Variants in CACNB4 observed in about 807,000 individuals in gnomAD.
The protein encoded by CACNB4 is voltage-dependent L-type calcium channel subunit beta-4.
In CACNB4, 32 loss-of-function variants were observed where a neutral mutation model predicts 71.2. The ratio of observed to expected loss-of-function variants is 0.45; its 90% CI spans 0.34 to 0.60. CACNB4 has a LOEUF of 0.60. Among genes scored for constraint, CACNB4 ranks in the 20% least tolerant of loss-of-function variants. The pLI is 0.01. For missense variants in CACNB4, 464 were observed against 647.9 expected (o/e 0.72, Z 3.08); for synonymous variants, 231 against 236.9 (o/e 0.97, Z 0.23).
At chr2:152,055,275 A>G (rs7604560) in intron 2 of CACNB4, among the ~76,000 whole-genome samples, 7,998 of 152,172 alleles carry the variant, frequency 0.053, 690 homozygotes, top group African/African-American at 0.18. Flanking sequence ...GCCTCCCAAA[A>G]TGCTGGGATT....
chr2:151,841,558 A>T (rs777647677), intron 13 of CACNB4: 12 of 245,746 alleles, frequency 4.9e-5, no homozygotes, highest in Non-Finnish European at 9.5e-5. Context: ...ACTGCATTCC[A>T]GCCTGAACAA....
intron 2 of CACNB4, among the ~76,000 whole-genome samples, chr2:151,987,805 C>G (rs901418221): frequency 6.6e-6 from 1 of 152,144 alleles, no homozygotes; most frequent in Non-Finnish European, 1.5e-5. Flanking sequence ...AGTTTCGATG[C>G]GACCCACCAA....
chr2:151,947,267 G>A (rs2099865823), intron 2 of CACNB4, among the ~76,000 whole-genome samples: 1 of 152,152 alleles, frequency 6.6e-6, no homozygotes, highest in African/African-American at 2.4e-5. Flanking sequence ...AGATGTCCAG[G>A]GCTTGCTTGC....
Position 152,098,141 on chromosome 2 carries a change from G to A in CACNB4, c.147+189C>T, listed in dbSNP as rs1157359477. Among the ~76,000 whole-genome samples the A allele has an allele frequency of 6.6e-6, 1 of 152,242 alleles. No individual in the cohort carries two copies. The highest frequency in any genetic ancestry group is 2.4e-5 in the African/African-American group (1 of 41,474). On this transcript the variant is annotated intron_variant, in intron 2 of 13. Coordinates refer to ENST00000539935, the MANE Select transcript of CACNB4 (RefSeq NM_000726.5). The surrounding 1 kb of genome is among the most constrained non-coding windows in gnomAD (Gnocchi z 5.3). ...TTCCCGGGGCGGTGCGGAGACGCCG[G>A]GACGCGAAGACGTCAAGAGCCCAGG... is the stretch of plus-strand genomic sequence containing the variant.
chr2:151,922,482 C>T (rs4524119), intron 2 of CACNB4, among the ~76,000 whole-genome samples: 2 of 152,068 alleles, frequency 1.3e-5, no homozygotes. Flanking sequence ...GGATTAAAAG[C>T]GTGAACTATG....
chr2:152,024,048 A>G (rs1431685434), intron 2 of CACNB4, among the ~76,000 whole-genome samples: 4 of 152,330 alleles, frequency 2.6e-5, no homozygotes, highest in African/African-American at 9.6e-5. Context: ...GGCTGGGCAC[A>G]GTGGCTCACG....
At chr2:152,011,995 T>G (rs1464454474) in intron 2 of CACNB4, among the ~76,000 whole-genome samples, 2 of 152,138 alleles carry the variant, frequency 1.3e-5, no homozygotes, top group Non-Finnish European at 2.9e-5. Context: ...CAGATAGTTA[T>G]GTACAGTACA....
intron 2 of CACNB4, among the ~76,000 whole-genome samples, chr2:151,932,524 T>A (rs1448227899): frequency 6.6e-6 from 1 of 152,182 alleles, no homozygotes; most frequent in Non-Finnish European, 1.5e-5. Context: ...ACCTCCAGTA[T>A]CTCAGATGTG....
At chr2:151,949,284 C>T (rs2099866318) in intron 2 of CACNB4, among the ~76,000 whole-genome samples, 1 of 151,738 alleles carries the variant, frequency 6.6e-6, no homozygotes, top group Non-Finnish European at 1.5e-5. Context: ...TTTTGCCAAG[C>T]AAGGCTGCAG....
At chr2:152,012,507 G>A (rs1443324341) in intron 2 of CACNB4, among the ~76,000 whole-genome samples, 2 of 151,884 alleles carry the variant, frequency 1.3e-5, no homozygotes, top group Admixed American at 1.3e-4. Flanking sequence ...AGGAGGCTGA[G>A]GCTGGAGAAT....
At chr2:151,898,286 C>T (rs1228244017) in intron 2 of CACNB4, among the ~76,000 whole-genome samples, 1 of 152,238 alleles carries the variant, frequency 6.6e-6, no homozygotes, top group Non-Finnish European at 1.5e-5. Context: ...GAACTCGCAT[C>T]AGCTGGGATG....
At chr2:151,956,454 G>T (rs1156433501) in intron 2 of CACNB4, among the ~76,000 whole-genome samples, 2 of 152,218 alleles carry the variant, frequency 1.3e-5, no homozygotes, top group Admixed American at 6.5e-5. Context: ...GCTGTCTATT[G>T]TGTGGTTCCC....
At chr2:151,981,826 C>A (rs1287235549) in intron 2 of CACNB4, among the ~76,000 whole-genome samples, 4 of 152,054 alleles carry the variant, frequency 2.6e-5, no homozygotes, top group Admixed American at 2.6e-4. Flanking sequence ...ACTGAAGGAA[C>A]CACATGTCTC....
chr2:151,989,215 A>G (rs755790959), intron 2 of CACNB4, among the ~76,000 whole-genome samples: 15 of 152,330 alleles, frequency 9.8e-5, no homozygotes, highest in South Asian at 6.2e-4. Flanking sequence ...GCCTTAACAC[A>G]CAAACACTTC....
At chr2:152,096,211 T>A in intron 2 of CACNB4, among the ~76,000 whole-genome samples, 1 of 151,850 alleles carries the variant, frequency 6.6e-6, no homozygotes, top group South Asian at 2.1e-4. Context: ...AGCCCGGGCA[T>A]GGTGGCTCAC....
chr2:152,007,588 T>C (rs190971669), intron 2 of CACNB4, among the ~76,000 whole-genome samples: 91 of 152,340 alleles, frequency 6.0e-4, no homozygotes, highest in Admixed American at 9.8e-4. Context: ...CTGTTGTATG[T>C]GTATCCTACA....
In CACNB4 at chr2:151,992,210, A is replaced by G. The variant is rs1681750312; in HGVS notation, c.147+106120T>C. 2.0e-5 allele frequency among the ~76,000 whole-genome samples: 3 copies of G among 152,258 alleles called. No individual in the cohort carries two copies. In the South Asian group the frequency reaches 6.2e-4, roughly 32 times the overall value. ...GCTGGATGCATAAGCACTGTCCACC[A>G]CAGCTGCAGCTGAAGTCTACAGTGG... is the stretch of plus-strand genomic sequence containing the variant. On this transcript the variant is annotated intron_variant, in intron 2 of 13. Coordinates refer to ENST00000539935, the MANE Select transcript of CACNB4 (RefSeq NM_000726.5).
At chr2:152,077,753 C>T (rs1298781247) in intron 2 of CACNB4, among the ~76,000 whole-genome samples, 1 of 152,008 alleles carries the variant, frequency 6.6e-6, no homozygotes, top group Admixed American at 6.6e-5. Flanking sequence ...TAAAGAAAAC[C>T]CGAGACTGAG....
At chr2:151,900,875 A>C (rs2099853200) in intron 2 of CACNB4, among the ~76,000 whole-genome samples, 1 of 152,180 alleles carries the variant, frequency 6.6e-6, no homozygotes, top group Non-Finnish European at 1.5e-5. Context: ...CTTAACAGAC[A>C]CTAAGCACAG....
Sources: allele counts gnomAD v4.1 joint callset (sites outside exome capture counted in the v4.1 genomes callset), GRCh38; gene constraint gnomAD v4.1.1; non-coding constraint Gnocchi (gnomAD v3.1); transcripts MANE v1.5; gene names NCBI Gene and HGNC (gene_info 2026-07-23, HGNC 2026-07-21).